TAF5: variants seen among roughly 807,000 people sequenced by gnomAD.
TAF5 encodes TATA-box binding protein associated factor 5.
In TAF5, 20 loss-of-function variants were observed where a neutral mutation model predicts 80.9. That is an observed-to-expected ratio of 0.25 (90% confidence interval 0.17 to 0.36). TAF5 has a LOEUF of 0.36. TAF5 is among the 10% of genes least tolerant of loss of function. The pLI is 1.00. For synonymous variants in TAF5, 388 were observed against 406.4 expected, an observed-to-expected ratio of 0.95 and a Z score of 0.55; for missense variants, 863 against 1,029.4, an observed-to-expected ratio of 0.84 and a Z score of 2.21.
At chr10:103,377,681 T>C (rs1419711691) in intron 2 of TAF5, among the ~76,000 whole-genome samples, 3 of 152,206 alleles carry the variant, frequency 2.0e-5, no homozygotes, top group Admixed American at 2.0e-4. Flanking sequence ...TATTGATATT[T>C]TAAAAATGTC....
rs967057220 is a variant in TAF5 at position 103,374,375 on chromosome 10, A to G, written c.797+780A>G. ...GCTCCCTCGGTCTTGTTGCTCTCTCATGCTTTTCATGCAATTTCCACCTTG... is the reference window on the plus strand; with the variant it reads ...GCTCCCTCGGTCTTGTTGCTCTCTCGTGCTTTTCATGCAATTTCCACCTTG... On this transcript the variant is annotated intron_variant, in intron 2 of 10. Coordinates refer to ENST00000369839, the MANE Select transcript of TAF5 (RefSeq NM_006951.5). This position sits in a 1 kb window ranked among gnomAD's most constrained non-coding sequence, Gnocchi z 4.3. Among the ~76,000 whole-genome samples the G allele has an allele frequency of 6.6e-6, 1 of 152,120 alleles. No individual in the cohort carries two copies. The highest frequency in any genetic ancestry group is 1.5e-5 in the Non-Finnish European group (1 of 68,026).
At chr10:103,384,909 A>G (rs1248259517) in intron 7 of TAF5, among the ~76,000 whole-genome samples, 3 of 152,144 alleles carry the variant, frequency 2.0e-5, no homozygotes, top group Non-Finnish European at 2.9e-5. Context: ...CATAGCTTAC[A>G]CAGCATGGGA....
intron 2 of TAF5, among the ~76,000 whole-genome samples, chr10:103,377,631 A>G (rs1414329160): frequency 1.3e-5 from 2 of 152,336 alleles, no homozygotes; most frequent in Admixed American, 6.5e-5. Context: ...ATACCAAACA[A>G]TGAGTACTTC....
chr10:103,368,310 C>A lies in TAF5; in HGVS notation c.321C>A (p.Ser107Arg). Residue 107 changes from serine to arginine, a missense_variant, in exon 1 of 11, where the codon AGC (serine) becomes AGA (arginine). Physicochemically the swap from Ser to Arg is moderately radical, Grantham distance 110. Coordinates refer to ENST00000369839, the MANE Select transcript of TAF5 (RefSeq NM_006951.5). Reference sequence around the variant, plus strand: ...CCGTGCTGCAGTTCCTACGGCAGAGCAAACTCCGCGAGGCCGAAGAGGCGC... The same window carrying A: ...CCGTGCTGCAGTTCCTACGGCAGAGAAAACTCCGCGAGGCCGAAGAGGCGC... ...LLAVLQFLRQSKLREAEEALR... is the reference protein window; with the variant it reads ...LLAVLQFLRQRKLREAEEALR... 6.3e-7 allele frequency: 1 copy of A among 1,584,526 alleles called. No homozygotes were observed. Among genetic ancestry groups the A allele is most frequent in the South Asian group, 1.1e-5 (1 of 88,466 alleles).
In TAF5 at chr10:103,383,266, T is replaced by A; in HGVS notation, c.1563T>A (p.Asp521Glu). Reference protein sequence around the residue: ...SDLSLIDKESDDVLERIMDEK... With the variant: ...SDLSLIDKESEDVLERIMDEK... ...TTAGTCTTATAGACAAAGAATCAGA[T>A]GATGTCTTAGAAAGAATCATGGATG... The change falls in exon 7 of 11, where the codon GAT becomes GAA. Residue 521 changes from aspartate (D) to glutamate (E), a missense_variant. Coordinates refer to ENST00000369839, the MANE Select transcript of TAF5 (RefSeq NM_006951.5). 1 of 1,598,094 alleles carries A rather than the reference T, an allele frequency of 6.3e-7. No homozygotes were observed. The highest frequency in any genetic ancestry group is 8.5e-7 in the Non-Finnish European group (1 of 1,175,542).
At position 103,370,528 on chromosome 10, in the gene TAF5, C is replaced by T. The variant is rs183491746; in HGVS notation, c.559+1980C>T. Among the ~76,000 whole-genome samples the T allele has an allele frequency of 2.2e-3, 335 of 151,814 alleles. 4 individuals carry two copies. Among genetic ancestry groups the T allele is most frequent in the African/African-American group, 7.9e-3 (327 of 41,422 alleles). ...ATTTTTATTAGAGACGGGGTTTCACCGTGGTAGCCAGGATGGTCTCGATCT... is the reference window on the plus strand; with the variant it reads ...ATTTTTATTAGAGACGGGGTTTCACTGTGGTAGCCAGGATGGTCTCGATCT... On this transcript the variant is annotated intron_variant, in intron 1 of 10. Transcript: ENST00000369839.
rs1427453455 is a variant in TAF5, at chr10:103,387,342, C to G, written c.1997C>G (p.Thr666Ser). The change falls in exon 9 of 11, where the codon ACT becomes AGT. Residue 666 changes from threonine to serine, a missense_variant. Physicochemically the swap from Thr to Ser is moderately conservative, Grantham distance 58. Around this residue, in one of 3 missense-constraint regions of TAF5, gnomAD observed 368 missense variants for 461.7 expected, o/e 0.80. Transcript: ENST00000369839. ...VLNGNCVRIF[T>S]GHKGPIHSLT... ...AATGGTAACTGTGTAAGGATCTTCA[C>G]TGGACACAAGGTATTTTACACTCTT... is the stretch of plus-strand genomic sequence containing the variant. 1.2e-6 allele frequency: 2 copies of G among 1,612,014 alleles called. No homozygotes were observed. The highest frequency in any genetic ancestry group is 2.2e-5 in the East Asian group (1 of 44,872).
chr10:103,368,870 C>T (rs1344980720), intron 1 of TAF5, among the ~76,000 whole-genome samples: 2 of 152,218 alleles, frequency 1.3e-5, no homozygotes, highest in African/African-American at 2.4e-5. Context: ...CCGCATGACA[C>T]TAACAGTGTT....
At position 103,372,274 on chromosome 10, in the gene TAF5, C is replaced by T. The variant is rs187154205; in HGVS notation, c.560-1084C>T. ...AAGATATGGGTGTGCTGATGGGTTT[C>T]GGTTTGGGTGATGAAACAAGTGAAA... is the stretch of plus-strand genomic sequence containing the variant. On this transcript the variant is annotated intron_variant, in intron 1 of 10. Coordinates refer to ENST00000369839, the MANE Select transcript of TAF5 (RefSeq NM_006951.5). Among the ~76,000 whole-genome samples, 449 of 150,732 alleles carry T rather than the reference C, an allele frequency of 3.0e-3. 7 individuals are homozygous for T. The highest frequency in any genetic ancestry group is 2.3e-3 in the Non-Finnish European group (157 of 67,706).
intron 7 of TAF5, among the ~76,000 whole-genome samples, chr10:103,383,795 C>T (rs775505277): frequency 2.6e-5 from 4 of 152,072 alleles, no homozygotes; most frequent in Non-Finnish European, 5.9e-5. Context: ...TCAGGCTGGT[C>T]TTGAACTCTC....
chr10:103,373,534 C>T lies in TAF5; in HGVS notation c.736C>T (p.His246Tyr). 1 of 1,614,184 alleles carries T rather than the reference C, an allele frequency of 6.2e-7. No homozygotes were observed. Among genetic ancestry groups the T allele is most frequent in the Non-Finnish European group, 8.5e-7 (1 of 1,180,030 alleles). ...CCAACTTTTTTATCCTCTGTTTGTG[C>T]ACATGTACTTGGAGCTAGTCTACAA... The part of the protein sequence containing the change: ...LSQLFYPLFV[H>Y]MYLELVYNQH... The change falls in exon 2 of 11, where the codon CAC becomes TAC. Residue 246 changes from histidine (H) to tyrosine (Y), a missense_variant. Around this residue, in one of 3 missense-constraint regions of TAF5, gnomAD observed 128 missense variants for 232.2 expected, o/e 0.55. Transcript: ENST00000369839.
In TAF5 at chr10:103,382,072, A is replaced by C. The variant is rs41303823; in HGVS notation, c.1534+231A>C. On this transcript the variant is annotated intron_variant, in intron 6 of 10. Coordinates refer to ENST00000369839, the MANE Select transcript of TAF5 (RefSeq NM_006951.5). The stretch of plus-strand genomic sequence containing the variant: ...TCATCTGTAGAATGAGTGAGTATTA[A>C]GCTAAAAAACTTAAAGTTAAAAATC... Among the ~76,000 whole-genome samples, 1,137 of 152,318 alleles carry C rather than the reference A, an allele frequency of 7.5e-3. 20 individuals are homozygous for C. Among genetic ancestry groups the C allele is most frequent in the South Asian group, 0.074 (356 of 4,826 alleles).
In TAF5 at chr10:103,378,500, A is replaced by C. The variant is rs756074643; in HGVS notation, c.1063A>C (p.Met355Leu). 2 of 1,614,158 alleles carry C rather than the reference A, an allele frequency of 1.2e-6. No homozygotes were observed. ...GCGTAGTAAGCAACAGATAGATGCG[A>C]TGGTGGGAAGTTTGGCAGGAGAGGC... ...MPRSKQQIDA[M>L]VGSLAGEAKR... The change falls in exon 3 of 11, where the codon ATG becomes CTG. Residue 355 changes from methionine (M) to leucine (L), a missense_variant. Coordinates refer to ENST00000369839, the MANE Select transcript of TAF5 (RefSeq NM_006951.5). The surrounding 1 kb of genome is among the most constrained non-coding windows in gnomAD (Gnocchi z 4.1).
Position 103,378,959 on chromosome 10 carries a change from C to T in TAF5, c.1113+409C>T, listed in dbSNP as rs555348610. On this transcript the variant is annotated intron_variant, in intron 3 of 10. Coordinates refer to ENST00000369839, the MANE Select transcript of TAF5 (RefSeq NM_006951.5). The surrounding 1 kb of genome is among the most constrained non-coding windows in gnomAD (Gnocchi z 4.1). ...ACAGGCGTGAGCTACTGCGCCTGGC[C>T]GCTTGGAAACAATTTTATACTGTAT... is the stretch of plus-strand genomic sequence containing the variant. Among the ~76,000 whole-genome samples, 26 of 152,188 alleles carry T rather than the reference C, an allele frequency of 1.7e-4. No individual in the cohort carries two copies. Among genetic ancestry groups the T allele is most frequent in the Middle Eastern group, 3.4e-3 (1 of 294 alleles).
In TAF5 at chr10:103,377,078, C is replaced by T. The variant is rs575960965; in HGVS notation, c.798-1157C>T. Among the ~76,000 whole-genome samples the T allele has an allele frequency of 5.9e-5, 9 of 152,272 alleles. 1 individual carries two copies. The highest frequency in any genetic ancestry group is 2.2e-4 in the African/African-American group (9 of 41,552). On this transcript the variant is annotated intron_variant, in intron 2 of 10. Transcript: ENST00000369839. ...GACTGAGGCAAGAGGAATCCCTGAACCCAGGAGTTTCAGGCTGCATTGAAC... is the reference window on the plus strand; with the variant it reads ...GACTGAGGCAAGAGGAATCCCTGAATCCAGGAGTTTCAGGCTGCATTGAAC...
rs2093379111 is a variant in TAF5, at chr10:103,380,091, C to G, written c.1413+72C>G. ...TGATGATTTACCATTAAGAGAGAAA[C>G]AAATGTATTAGCTAAAATGGAGTTT... On this transcript the variant is annotated intron_variant, in intron 5 of 10. Transcript: ENST00000369839. The G allele has an allele frequency of 1.3e-5, 19 of 1,449,556 alleles. No homozygotes were observed. In the Middle Eastern group the frequency reaches 5.5e-4, roughly 42 times the overall value. 89.8% of individuals were successfully genotyped at this position (1,449,556 alleles called of 1,614,324 possible). A position where few individuals can be genotyped will look rare whatever the true frequency, so the allele number is the denominator to read the frequency against.
intron 1 of TAF5, among the ~76,000 whole-genome samples, chr10:103,369,375 T>C (rs1482759875): frequency 6.6e-6 from 1 of 151,624 alleles, no homozygotes; most frequent in Non-Finnish European, 1.5e-5. Flanking sequence ...TTTTCTTTTT[T>C]TGAGACGGAG....
rs757270140 is a variant in TAF5, at chr10:103,368,549, G to GTGAGCC, written c.559+2_559+7dup. 6.6e-7 allele frequency: 1 copy of GTGAGCC among 1,504,530 alleles called. No homozygotes were observed. 93.2% of individuals were successfully genotyped at this position (1,504,530 alleles called of 1,614,324 possible). A position where few individuals can be genotyped will look rare whatever the true frequency, so the allele number is the denominator to read the frequency against. On this transcript the variant is annotated splice_donor_variant, in intron 1 of 10. Transcript: ENST00000369839. LOFTEE classifies it high-confidence loss of function. ...TCAGGTCCTGCGGCTCCGGGTAAAG[G>GTGAGCC]TGAGCCGTGGGGTCCCGGGTAGGTA...
chr10:103,388,956 A>G lies in TAF5; in HGVS notation c.*733A>G, dbSNP rs2093404900. 1 of 152,652 alleles carries G rather than the reference A, an allele frequency of 6.6e-6. No individual in the cohort carries two copies. The highest frequency in any genetic ancestry group is 2.1e-4 in the South Asian group (1 of 4,836). 9.5% of individuals were successfully genotyped at this position (152,652 alleles called of 1,614,324 possible). A position where few individuals can be genotyped will look rare whatever the true frequency, so the allele number is the denominator to read the frequency against. On this transcript the variant is annotated 3_prime_UTR_variant, in exon 11 of 11. Coordinates refer to ENST00000369839, the MANE Select transcript of TAF5 (RefSeq NM_006951.5). ...GTACTGAGCCTTGCTTTGGGAAACT[A>G]AAAGATTTAGACCAAGTCACTGCCA...
Sources: gnomAD v4.1 joint callset for allele counts (sites outside exome capture counted in the v4.1 genomes callset) on GRCh38, gnomAD v4.1.1 for gene constraint, gnomAD v4.1.1 regional missense constraint, Gnocchi (gnomAD v3.1) non-coding constraint, MANE v1.5 for transcripts, NCBI Gene and HGNC (gene_info 2026-07-23, HGNC 2026-07-21) for gene names.